The following KAZN variants were observed in gnomAD, a reference collection of about 807,000 sequenced individuals.
KAZN encodes the protein kazrin.
In KAZN, 40 loss-of-function variants were observed where a neutral mutation model predicts 87.4. That is an observed-to-expected ratio of 0.46 (90% CI 0.36 to 0.60). The LOEUF (loss-of-function observed/expected upper bound fraction) is 0.60. Ranked by LOEUF, KAZN falls within the 20% of genes least tolerant of loss-of-function variation. The pLI is 0.00. For synonymous variants in KAZN, 466 were observed against 458.3 expected, an observed-to-expected ratio of 1.02 and a Z score of -0.22; for missense variants, 898 against 1,073.9, an observed-to-expected ratio of 0.84 and a Z score of 2.29.
At chr1:14,864,534 T>C (rs1434798917) in intron 1 of KAZN, among the ~76,000 whole-genome samples, 5 of 152,002 alleles carry the variant, frequency 3.3e-5, no homozygotes, top group Non-Finnish European at 7.4e-5. Context: ...TGCACTCCAG[T>C]GGGGGCGATA....
chr1:14,199,242 A>G (rs931639900), intron 2 of KAZN, among the ~76,000 whole-genome samples: 1 of 152,058 alleles, frequency 6.6e-6, no homozygotes, highest in African/African-American at 2.4e-5. Context: ...GTGACCAACC[A>G]TCCAGTTTCC....
At chr1:14,284,140 GA>G (rs980887555) in intron 2 of KAZN, among the ~76,000 whole-genome samples, 4 of 151,504 alleles carry the variant, frequency 2.6e-5, no homozygotes, top group Non-Finnish European at 5.9e-5. Flanking sequence ...AATGAGGGGG[GA>G]ATGGGGAGTG....
chr1:14,194,883 C>T (rs976462093), intron 2 of KAZN, among the ~76,000 whole-genome samples: 1 of 152,082 alleles, frequency 6.6e-6, no homozygotes, highest in African/African-American at 2.4e-5. Context: ...ATTGAGGAGC[C>T]TCAACCTGTT....
intron 2 of KAZN, among the ~76,000 whole-genome samples, chr1:14,399,361 C>T (rs1663184559): frequency 6.6e-6 from 1 of 152,010 alleles, no homozygotes; most frequent in South Asian, 2.1e-4. Flanking sequence ...AATTACTGCT[C>T]CTAAATAATC....
At chr1:14,928,062 A>G (rs1659360421) in intron 1 of KAZN, among the ~76,000 whole-genome samples, 1 of 152,090 alleles carries the variant, frequency 6.6e-6, no homozygotes, top group African/African-American at 2.4e-5. Flanking sequence ...TAACTGCCCA[A>G]AGCCACACAG....
intron 1 of KAZN, among the ~76,000 whole-genome samples, chr1:14,690,455 T>A (rs547915518): frequency 6.6e-6 from 1 of 152,180 alleles, no homozygotes; most frequent in African/African-American, 2.4e-5. Flanking sequence ...CAGTCTGAAA[T>A]GGCACATAAT....
intron 1 of KAZN, among the ~76,000 whole-genome samples, chr1:13,920,697 T>G (rs150685501): frequency 3.9e-5 from 6 of 152,192 alleles, no homozygotes; most frequent in African/African-American, 1.2e-4. Context: ...GGGAGAGTTT[T>G]ATTGAGGGGT....
At chr1:14,268,297 C>T (rs1024800516) in intron 2 of KAZN, among the ~76,000 whole-genome samples, 4 of 152,170 alleles carry the variant, frequency 2.6e-5, no homozygotes, top group Admixed American at 6.5e-5. Context: ...TCATGATATT[C>T]CAAGGCCCGT....
At chr1:14,430,877 A>G (rs1378220793) in intron 2 of KAZN, among the ~76,000 whole-genome samples, 1 of 152,202 alleles carries the variant, frequency 6.6e-6, no homozygotes, top group African/African-American at 2.4e-5. Flanking sequence ...AAAGGCTGGA[A>G]TGAGCAAGAG....
intron 1 of KAZN, among the ~76,000 whole-genome samples, chr1:14,753,233 A>C (rs1311860728): frequency 6.6e-6 from 1 of 152,068 alleles, no homozygotes; most frequent in Admixed American, 6.6e-5. Flanking sequence ...TTTTAAATTT[A>C]TTTTTCTTTC....
At chr1:14,759,619 A>G (rs1644677339) in intron 1 of KAZN, among the ~76,000 whole-genome samples, 1 of 152,112 alleles carries the variant, frequency 6.6e-6, no homozygotes, top group Non-Finnish European at 1.5e-5. Flanking sequence ...GGATTATTTC[A>G]TGCCATAGGA....
chr1:14,968,442 G>A (rs919096622), intron 2 of KAZN, among the ~76,000 whole-genome samples: 9 of 152,202 alleles, frequency 5.9e-5, no homozygotes, highest in Non-Finnish European at 1.3e-4. Context: ...ACCAGTCCAT[G>A]GCCTGGGGCT....
At chr1:14,969,936 C>T (rs1664843241) in intron 2 of KAZN, among the ~76,000 whole-genome samples, 1 of 152,120 alleles carries the variant, frequency 6.6e-6, no homozygotes, top group Non-Finnish European at 1.5e-5. Context: ...GCCTCAGCCT[C>T]CTGAGTAGCT....
chr1:14,086,052 T>G (rs1643843841), intron 1 of KAZN, among the ~76,000 whole-genome samples: 2 of 152,232 alleles, frequency 1.3e-5, no homozygotes, highest in Admixed American at 1.3e-4. Flanking sequence ...TAAATATACT[T>G]TGGTGAGATG....
intron 1 of KAZN, among the ~76,000 whole-genome samples, chr1:14,958,891 G>A (rs1057129255): frequency 1.3e-5 from 2 of 152,178 alleles, no homozygotes; most frequent in Non-Finnish European, 2.9e-5. Flanking sequence ...GGTGGCCAGC[G>A]CAAGGCTGGT....
chr1:14,793,121 T>G (rs898400532), intron 1 of KAZN, among the ~76,000 whole-genome samples: 3 of 152,048 alleles, frequency 2.0e-5, no homozygotes, highest in Non-Finnish European at 2.9e-5. Context: ...AGGATAGGAA[T>G]GGACCCCCGA....
At chr1:14,539,806 C>T (rs561636398) in intron 2 of KAZN, among the ~76,000 whole-genome samples, 1 of 152,020 alleles carries the variant, frequency 6.6e-6, no homozygotes, top group African/African-American at 2.4e-5. Context: ...CCATCAGAAC[C>T]TAAATTTTGT....
At chr1:14,774,784 C>T (rs60047346) in intron 1 of KAZN, among the ~76,000 whole-genome samples, 1 of 150,150 alleles carries the variant, frequency 6.7e-6, no homozygotes, top group Non-Finnish European at 1.5e-5. Flanking sequence ...CATGCCCAGC[C>T]CTTGAGCAGA....
intron 1 of KAZN, among the ~76,000 whole-genome samples, chr1:14,023,453 C>T (rs1315304087): frequency 6.6e-6 from 1 of 152,182 alleles, no homozygotes; most frequent in African/African-American, 2.4e-5. Context: ...ATCATCATTC[C>T]ATTTCTGCAG....
Sources: allele counts gnomAD v4.1 joint callset (sites outside exome capture counted in the v4.1 genomes callset), GRCh38; gene constraint gnomAD v4.1.1; transcripts MANE v1.5; gene names NCBI Gene and HGNC (gene_info 2026-07-23, HGNC 2026-07-21).